The following RNPEP variants were observed in gnomAD, a reference collection of about 807,000 sequenced individuals.
RNPEP encodes aminopeptidase B.
RNPEP carries 57 observed loss-of-function variants against 70.1 expected under a neutral mutation model. The observed-to-expected ratio is 0.81, with a 90% CI of 0.66 to 1.01. The LOEUF (loss-of-function observed/expected upper bound fraction) is 1.01. RNPEP is among the 50% of genes least tolerant of loss of function. RNPEP has a pLI of 0.00. For missense variants in RNPEP, 787 were observed against 852.4 expected, an observed-to-expected ratio of 0.92 and a Z score of 0.96; for synonymous variants, 335 against 357.4, an observed-to-expected ratio of 0.94 and a Z score of 0.71.
At position 201,994,833 on chromosome 1, in the gene RNPEP, A is replaced by ATTTTTTT. The variant is rs34077790; in HGVS notation, c.738-1294_738-1288dup. Among the ~76,000 whole-genome samples the ATTTTTTT allele has an allele frequency of 1.8e-4, 15 of 85,212 alleles. 1 individual carries two copies. The highest frequency in any genetic ancestry group is 7.0e-3 in the Middle Eastern group (1 of 142). The allele number at this position is 85,212 out of a possible 152,430, so 55.9% of individuals were successfully genotyped here. ...AGGCATACACTACCATGTCCTGCTA[A>ATTTTTTT]TTTTTTTTTTTTTTTTTTTTTTTTT... On this transcript the variant is annotated intron_variant, in intron 3 of 10. Transcript: ENST00000295640.
chr1:202,002,382 G>C (rs1338037292), intron 8 of RNPEP, among the ~76,000 whole-genome samples: 1 of 152,046 alleles, frequency 6.6e-6, no homozygotes, highest in African/African-American at 2.4e-5. Flanking sequence ...GGCTGGTCTC[G>C]AACTCCTGAC....
rs1309767703 is a variant in RNPEP at position 201,997,385 on chromosome 1, T to G, written c.921T>G (p.Phe307Leu). The change falls in exon 5 of 11, where the codon TTT (phenylalanine) becomes TTG (leucine). Residue 307 changes from phenylalanine to leucine, a missense_variant. By Grantham distance (22) the Phe-to-Leu change is conservative. Transcript: ENST00000295640. ...GAATGGAGAACCCTTGTCTGACCTT[T>G]GTCACCCCCTGCCTGCTAGCTGGGG... ...FGGMENPCLT[F>L]VTPCLLAGDR... The G allele has an allele frequency of 1.9e-6, 3 of 1,614,076 alleles. No individual in the cohort carries two copies. The African/African-American group carries it at 4.0e-5, about 22-fold the overall frequency.
chr1:201,996,504 T>TGTGTGTGTGG, intron 4 of RNPEP: 1 of 386,768 alleles, frequency 2.6e-6, no homozygotes. Flanking sequence ...TGTGTGTGTG[T>TGTGTGTGTGG]GTGTTTTGAG....
At chr1:202,004,794 T>A (rs1166214709) in intron 10 of RNPEP, among the ~76,000 whole-genome samples, 1 of 152,122 alleles carries the variant, frequency 6.6e-6, no homozygotes, top group Non-Finnish European at 1.5e-5. Flanking sequence ...CAGTGTCATG[T>A]GGGAAACACA....
chr1:202,005,203 T>C (rs1684004797), intron 10 of RNPEP, among the ~76,000 whole-genome samples: 1 of 152,212 alleles, frequency 6.6e-6, no homozygotes, highest in Non-Finnish European at 1.5e-5. Context: ...GGCTGTGAGC[T>C]TTATGTGCCG....
chr1:202,002,267 G>A (rs554387650), intron 8 of RNPEP, among the ~76,000 whole-genome samples: 11 of 151,746 alleles, frequency 7.2e-5, no homozygotes, highest in South Asian at 6.2e-4. Flanking sequence ...GGGTTCAAGC[G>A]ATTCTCCTGC....
intron 3 of RNPEP, among the ~76,000 whole-genome samples, chr1:201,993,549 A>G (rs1683419748): frequency 6.6e-6 from 1 of 151,354 alleles, no homozygotes. Context: ...GTGAGCCGAG[A>G]TTGCACTACT....
intron 3 of RNPEP, among the ~76,000 whole-genome samples, chr1:201,994,989 C>A (rs1369626104): frequency 6.6e-6 from 1 of 152,016 alleles, no homozygotes; most frequent in African/African-American, 2.4e-5. Flanking sequence ...CAGTCTCATT[C>A]ATATGTCTGT....
At position 202,005,856 on chromosome 1, in the gene RNPEP, G is replaced by C. The variant is rs544800944; in HGVS notation, c.*140G>C. The C allele has an allele frequency of 3.0e-6, 3 of 1,016,038 alleles. No homozygotes were observed. The African/African-American group carries it at 4.8e-5, about 16-fold the overall frequency. 62.9% of individuals were successfully genotyped at this position (1,016,038 alleles called of 1,614,324 possible). A position where few individuals can be genotyped will look rare whatever the true frequency, so the allele number is the denominator to read the frequency against. On this transcript the variant is annotated 3_prime_UTR_variant, in exon 11 of 11. Transcript: ENST00000295640. ...AATCTATTCTCTAGCTTAGGTATCT[G>C]TGACTCTTGGGCCTCTGCTCTGGTG...
At chr1:201,997,590 C>T (rs368393194) in intron 5 of RNPEP, 36 bp downstream of exon 5, 9 of 1,540,998 alleles carry the variant, frequency 5.8e-6, no homozygotes, top group African/African-American at 2.7e-5. Flanking sequence ...GAGTCTGCCT[C>T]CCATTCTTAA....
At chr1:201,989,349 CA>C (rs775635773) in intron 2 of RNPEP, 33 bp from the exon 3 acceptor site, 5 of 1,606,522 alleles carry the variant, frequency 3.1e-6, no homozygotes. Flanking sequence ...AAACTCTCTC[CA>C]GGTAAAATCT....
intron 1 of RNPEP, chr1:201,983,462 G>A (rs1291482840): frequency 1.4e-6 from 2 of 1,401,202 alleles, no homozygotes; most frequent in Admixed American, 2.2e-5. Context: ...TGGCTTTCTA[G>A]ATGACCTGTT....
intron 1 of RNPEP, chr1:201,983,594 C>T (rs1271145194): frequency 1.6e-6 from 2 of 1,286,290 alleles, no homozygotes; most frequent in Non-Finnish European, 2.0e-6. Context: ...GCTCTTTGTT[C>T]TGTGTTGCCT....
In RNPEP at chr1:202,001,715, C is replaced by T. The variant is rs752056321; in HGVS notation, c.1374C>T (p.Phe458=). ...RSILADDFLD[F]YLEYFPELKK... ...TCTTAGCCGATGACTTTCTGGACTT[C>T]TACTTGGAATATTTCCCTGAGCTTA... Residue 458 remains phenylalanine (F), a synonymous_variant, in exon 8 of 11, where the codon TTC becomes TTT. Coordinates refer to ENST00000295640, the MANE Select transcript of RNPEP (RefSeq NM_020216.4). The T allele has an allele frequency of 4.3e-6, 7 of 1,613,476 alleles. No individual in the cohort carries two copies. The highest frequency in any genetic ancestry group is 5.9e-6 in the Non-Finnish European group (7 of 1,179,554).
chr1:201,989,919 A>G (rs1333899391), intron 3 of RNPEP, among the ~76,000 whole-genome samples: 1 of 150,754 alleles, frequency 6.6e-6, no homozygotes, highest in Non-Finnish European at 1.5e-5. Flanking sequence ...ATCTTGGCTC[A>G]CTGCAACCTC....
Position 201,999,976 on chromosome 1 carries a change from G to A in RNPEP, c.1165G>A (p.Glu389Lys). ...LRQHMDITGE[E>K]NPLNKLRVKI... Reference sequence around the variant, plus strand: ...TCAGCACATGGACATCACTGGAGAGGAAAACCCACTCAACAAGCTCCGCGT... The same window carrying A: ...TCAGCACATGGACATCACTGGAGAGAAAAACCCACTCAACAAGCTCCGCGT... Residue 389 changes from glutamate to lysine, a missense_variant, in exon 6 of 11, where the codon GAA becomes AAA. Coordinates refer to ENST00000295640, the MANE Select transcript of RNPEP (RefSeq NM_020216.4). 1 of 1,613,962 alleles carries A rather than the reference G, an allele frequency of 6.2e-7. No individual in the cohort carries two copies. Among genetic ancestry groups the A allele is most frequent in the Non-Finnish European group, 8.5e-7 (1 of 1,179,954 alleles).
chr1:201,986,742 G>T (rs1223340695), intron 1 of RNPEP, among the ~76,000 whole-genome samples: 1 of 151,770 alleles, frequency 6.6e-6, no homozygotes, highest in Non-Finnish European at 1.5e-5. Flanking sequence ...GTTTCACTGT[G>T]TTGGCCAGGC....
At chr1:201,997,770 T>TTTG (rs1270034728) in intron 5 of RNPEP, among the ~76,000 whole-genome samples, 1 of 151,386 alleles carries the variant, frequency 6.6e-6, no homozygotes, top group Non-Finnish European at 1.5e-5. Flanking sequence ...TCATTAGTTT[T>TTTG]TTTTTTTTTT....
In RNPEP at chr1:201,983,098, C is replaced by A; in HGVS notation, c.432C>A (p.Val144=). The A allele has an allele frequency of 1.3e-6, 2 of 1,498,850 alleles. No homozygotes were observed. The highest frequency in any genetic ancestry group is 1.3e-5 in the South Asian group (1 of 76,750). 92.8% of individuals were successfully genotyped at this position (1,498,850 alleles called of 1,614,324 possible). A position where few individuals can be genotyped will look rare whatever the true frequency, so the allele number is the denominator to read the frequency against. Residue 144 remains valine, a synonymous_variant, in exon 1 of 11, where the codon GTC becomes GTA. Coordinates refer to ENST00000295640, the MANE Select transcript of RNPEP (RefSeq NM_020216.4). ...TCCAGGTGCTGCTCACCTACCGCGTCGGGGAGGGACCCGGGGTGAGTGCGC... is the reference window on the plus strand; with the variant it reads ...TCCAGGTGCTGCTCACCTACCGCGTAGGGGAGGGACCCGGGGTGAGTGCGC... The part of the protein sequence containing the change: ...ERLQVLLTYR[V]GEGPGVCWLA...
Sources: gnomAD v4.1 joint callset for allele counts (sites outside exome capture counted in the v4.1 genomes callset) on GRCh38, gnomAD v4.1.1 for gene constraint, MANE v1.5 for transcripts, NCBI Gene and HGNC (gene_info 2026-07-23, HGNC 2026-07-21) for gene names.